The following MYLK4 variants were observed in gnomAD, a reference collection of about 807,000 sequenced individuals.
MYLK4 encodes the protein caMLCK like.
MYLK4 carries 46 observed loss-of-function variants against 48.1 expected under a neutral mutation model. That is an observed-to-expected ratio of 0.96 (90% CI 0.75 to 1.22). The LOEUF (loss-of-function observed/expected upper bound fraction) is 1.22, where lower values mean the gene tolerates loss of function less well. Among genes scored for constraint, MYLK4 ranks in the 50% most tolerant of loss-of-function variants. The pLI, the probability that MYLK4 is intolerant of heterozygous loss-of-function variation, is 0.00. For missense variants in MYLK4, 451 were observed against 486.1 expected, an observed-to-expected ratio of 0.93 and a Z score of 0.68; for synonymous variants, 170 against 180.8, an observed-to-expected ratio of 0.94 and a Z score of 0.48.
At chr6:2,681,025 A>C (rs1309146292) in intron 7 of MYLK4, among the ~76,000 whole-genome samples, 2 of 152,196 alleles carry the variant, frequency 1.3e-5, no homozygotes, top group Admixed American at 1.3e-4. Context: ...TTACAAGTGC[A>C]CCTAATGTTT....
rs1760681691 is a variant in MYLK4 at position 2,666,987 on chromosome 6, T to G, written c.*938A>C. On this transcript the variant is annotated 3_prime_UTR_variant, in exon 13 of 13. Coordinates refer to ENST00000274643, the MANE Select transcript of MYLK4 (RefSeq NM_001012418.5). ...GTTTGTATGTGTTTACCCAGAAGCT[T>G]GAATGTTATTTCCCAAGTCACTTCA... 6.6e-6 allele frequency: 1 copy of G among 152,214 alleles called. No homozygotes were observed. Among genetic ancestry groups the G allele is most frequent in the Non-Finnish European group, 1.5e-5 (1 of 68,046 alleles). The allele number at this position is 152,214 out of a possible 1,614,324, so 9.4% of individuals were successfully genotyped here.
the MYLK4 span, chr6:2,766,110 A>T: frequency 2.3e-6 from 3 of 1,304,458 alleles, no homozygotes; most frequent in Non-Finnish European, 2.9e-6. Flanking sequence ...GCGGAGGCGC[A>T]GGAGGAGGAG....
chr6:2,679,227 A>C, intron 9 of MYLK4, 53 bp downstream of exon 9: 1 of 1,606,776 alleles, frequency 6.2e-7, no homozygotes, highest in Non-Finnish European at 8.5e-7. Context: ...GCAAAACCTC[A>C]GAAAATATGC....
At position 2,679,493 on chromosome 6, in the gene MYLK4, T is replaced by C. The variant is rs546918372; in HGVS notation, c.759-85A>G. The C allele has an allele frequency of 5.3e-6, 8 of 1,522,270 alleles. No individual in the cohort carries two copies. The South Asian group carries it at 9.0e-5, about 17-fold the overall frequency. 94.3% of individuals were successfully genotyped at this position (1,522,270 alleles called of 1,614,324 possible). On this transcript the variant is annotated intron_variant, in intron 8 of 12. Coordinates refer to ENST00000274643, the MANE Select transcript of MYLK4 (RefSeq NM_001012418.5). ...AAATGATGTAGTCTATGAGACAAAA[T>C]GACTTCAGCCATACAGCAAACTTCA...
chr6:2,752,008 G>A (rs896766764), upstream of MYLK4, among the ~76,000 whole-genome samples: 1 of 152,174 alleles, frequency 6.6e-6, no homozygotes, highest in Admixed American at 6.5e-5. Flanking sequence ...ATTAAATTGT[G>A]TAGAAGTACT....
Position 2,679,252 on chromosome 6 carries a change from G to A in MYLK4, c.887+28C>T, listed in dbSNP as rs774405542. 8.7e-6 allele frequency: 14 copies of A among 1,612,526 alleles called. No individual in the cohort carries two copies. The Admixed American group carries it at 1.3e-4, about 15-fold the overall frequency. On this transcript the variant is annotated intron_variant, in intron 9 of 12. Coordinates refer to ENST00000274643, the MANE Select transcript of MYLK4 (RefSeq NM_001012418.5). The stretch of plus-strand genomic sequence containing the variant: ...AGAAAATATGCATGGAGTTGGAGAA[G>A]GGTCAGAGACAGAGGAGAGCTACTC...
At chr6:2,749,442 G>C in intron 1 of MYLK4, 36 bp from the exon 2 acceptor site, 1 of 564,468 alleles carries the variant, frequency 1.8e-6, no homozygotes, top group South Asian at 3.6e-5. Flanking sequence ...TTCTCATCAC[G>C]TATTCATGCA....
rs550403322 is a variant in MYLK4 at position 2,715,727 on chromosome 6, G to A, written c.160-22868C>T. Among the ~76,000 whole-genome samples the A allele has an allele frequency of 4.6e-5, 7 of 152,322 alleles. No homozygotes were observed. The South Asian group carries it at 1.5e-3, about 32-fold the overall frequency. ...CCGCTAGCAAACATGCTTGTCTCAG[G>A]TTCATGAATGCAGAAATTCTTGCTG... On this transcript the variant is annotated intron_variant, in intron 2 of 12. Transcript: ENST00000274643.
intron 7 of MYLK4, among the ~76,000 whole-genome samples, chr6:2,681,106 A>C (rs1167457099): frequency 1.3e-5 from 2 of 152,214 alleles, no homozygotes; most frequent in African/African-American, 4.8e-5. Flanking sequence ...TTTATAAAAG[A>C]GAAAAAAAGT....
At chr6:2,766,878 C>G in the MYLK4 span, among the ~76,000 whole-genome samples, 1 of 151,114 alleles carries the variant, frequency 6.6e-6, no homozygotes, top group Non-Finnish European at 1.5e-5. Context: ...TGAAAAAAAT[C>G]AAATTAATTC....
chr6:2,770,259 T>C, the MYLK4 span: 1 of 1,613,996 alleles, frequency 6.2e-7, no homozygotes. Flanking sequence ...GTAGAGGCAA[T>C]GGTGACTATT....
At chr6:2,757,211 C>T in the MYLK4 span, among the ~76,000 whole-genome samples, 21 of 151,286 alleles carry the variant, frequency 1.4e-4, no homozygotes, top group African/African-American at 4.9e-4. Context: ...TATGTAATGA[C>T]TCATAATAGG....
the MYLK4 span, among the ~76,000 whole-genome samples, chr6:2,769,212 G>A: frequency 1.4e-4 from 21 of 152,118 alleles, no homozygotes; most frequent in African/African-American, 5.1e-4. Flanking sequence ...TGATTTTAAG[G>A]TCATTATTTT....
At chr6:2,674,692 T>C (rs1485247502) in intron 11 of MYLK4, among the ~76,000 whole-genome samples, 4 of 152,084 alleles carry the variant, frequency 2.6e-5, no homozygotes, top group African/African-American at 9.7e-5. Flanking sequence ...ACCAACATGG[T>C]GAAACTCTGT....
chr6:2,763,610 A>G, the MYLK4 span, among the ~76,000 whole-genome samples: 8 of 152,344 alleles, frequency 5.3e-5, no homozygotes, highest in South Asian at 1.7e-3. Context: ...GCTGGCCCGC[A>G]AGCACCGCGC....
At chr6:2,756,107 C>G in the MYLK4 span, among the ~76,000 whole-genome samples, 1 of 152,194 alleles carries the variant, frequency 6.6e-6, no homozygotes, top group Non-Finnish European at 1.5e-5. Flanking sequence ...TTCTCAGTAT[C>G]TATTCTTGAG....
At chr6:2,703,089 G>A (rs1223956134) in intron 2 of MYLK4, among the ~76,000 whole-genome samples, 2 of 152,064 alleles carry the variant, frequency 1.3e-5, no homozygotes, top group Admixed American at 6.5e-5. Context: ...TCCCGACCTC[G>A]CCTCCTCTCA....
Position 2,678,409 on chromosome 6 carries a change from A to G in MYLK4, c.888-37T>C, listed in dbSNP as rs781370333. On this transcript the variant is annotated intron_variant, in intron 9 of 12. Coordinates refer to ENST00000274643, the MANE Select transcript of MYLK4 (RefSeq NM_001012418.5). ...GGGGTCCAGAGTGAGTATTTTTTAA[A>G]CAGCCTCAACCCCTTTCCATACAGA... 1.9e-6 allele frequency: 3 copies of G among 1,608,484 alleles called. No homozygotes were observed. The Admixed American group carries it at 5.0e-5, about 27-fold the overall frequency.
intron 2 of MYLK4, among the ~76,000 whole-genome samples, chr6:2,721,568 G>A (rs1229849075): frequency 3.3e-5 from 5 of 150,136 alleles, no homozygotes; most frequent in African/African-American, 4.9e-5. Flanking sequence ...AGGTTAGAGA[G>A]GCATGCATCG....
Sources: gnomAD v4.1 joint callset for allele counts (sites outside exome capture counted in the v4.1 genomes callset) on GRCh38, gnomAD v4.1.1 for gene constraint, MANE v1.5 for transcripts, NCBI Gene and HGNC (gene_info 2026-07-23, HGNC 2026-07-21) for gene names.